Variants in AREG observed in about 807,000 individuals in gnomAD.
AREG encodes amphiregulin B.
A neutral mutation model predicts 28.0 loss-of-function variants in AREG; 16 were observed. The ratio of observed to expected loss-of-function variants is 0.57; its 90% CI spans 0.39 to 0.87. AREG has a LOEUF of 0.87. Among genes scored for constraint, AREG ranks in the 40% least tolerant of loss-of-function variants. AREG has a pLI of 0.00. For synonymous variants in AREG, 113 were observed against 113.5 expected (o/e 1.00, Z 0.02); for missense variants, 287 against 309.1 (o/e 0.93, Z 0.53).
At chr4:74,452,793 C>T (rs1045474983) in intron 5 of AREG, 138 bp downstream of exon 5, 12 of 762,906 alleles carry the variant, frequency 1.6e-5, no homozygotes, top group Admixed American at 5.8e-5. Flanking sequence ...AAGTATTATT[C>T]TTTGAGTATA....
rs1719398438 is a variant in AREG at position 74,452,668 on chromosome 4, A to C, written c.*18+13A>C. The C allele has an allele frequency of 7.5e-6, 12 of 1,607,826 alleles. No homozygotes were observed. Among genetic ancestry groups the C allele is most frequent in the African/African-American group, 1.3e-5 (1 of 74,652 alleles). ...GATAAAATTACAGGTTTGAGTTTTA[A>C]AATATATCTTTAGATCATATCCTAT... On this transcript the variant is annotated intron_variant, in intron 5 of 5. Transcript: ENST00000395748.
At chr4:74,454,297 A>T (rs1016525781) in intron 5 of AREG, among the ~76,000 whole-genome samples, 5 of 152,206 alleles carry the variant, frequency 3.3e-5, no homozygotes, top group Non-Finnish European at 7.3e-5. Context: ...AGGAAAAAGA[A>T]TATGCTGTGC....
intron 2 of AREG, 184 bp from the exon 3 acceptor site, chr4:74,448,863 G>T: frequency 1.1e-6 from 1 of 874,260 alleles, no homozygotes; most frequent in Non-Finnish European, 1.7e-6. Flanking sequence ...CTTTCAGGTA[G>T]AAAAAACTGA....
chr4:74,453,294 G>GT (rs1295348477), intron 5 of AREG, among the ~76,000 whole-genome samples: 4 of 152,180 alleles, frequency 2.6e-5, no homozygotes, highest in African/African-American at 4.8e-5. Flanking sequence ...CAGACAATAG[G>GT]TTGAATGCTC....
rs763145339 is a variant in AREG, at chr4:74,446,752, C to G, written c.280C>G (p.Pro94Ala). 7.4e-6 allele frequency: 12 copies of G among 1,613,898 alleles called. No individual in the cohort carries two copies. In the East Asian group the frequency reaches 2.5e-4, roughly 33 times the overall value. Reference protein sequence around the residue: ...SEEYDNEPQIPGYIVDDSVRV... With the variant: ...SEEYDNEPQIAGYIVDDSVRV... ...AGAGTATGATAACGAACCACAAATA[C>G]CTGGCTATATTGTCGATGATTCAGT... Residue 94 changes from proline (P) to alanine (A), a missense_variant, in exon 2 of 6, where the codon CCT (proline) becomes GCT (alanine). Pro to Ala is a conservative substitution (Grantham distance 27, BLOSUM62 -1). Coordinates refer to ENST00000395748, the MANE Select transcript of AREG (RefSeq NM_001657.4).
intron 3 of AREG, 72 bp downstream of exon 3, chr4:74,449,320 C>T: frequency 1.2e-6 from 2 of 1,603,144 alleles, no homozygotes; most frequent in Non-Finnish European, 1.7e-6. Context: ...TGCAGGAAAC[C>T]ATTTATTTTT....
intron 2 of AREG, among the ~76,000 whole-genome samples, chr4:74,448,154 A>G (rs1457391226): frequency 2.6e-5 from 4 of 152,240 alleles, no homozygotes; most frequent in African/African-American, 4.8e-5. Flanking sequence ...TTTGTAATCT[A>G]TCTGACAAAG....
chr4:74,445,726 C>T (rs1187200764), intron 1 of AREG, among the ~76,000 whole-genome samples: 1 of 152,092 alleles, frequency 6.6e-6, no homozygotes, highest in Non-Finnish European at 1.5e-5. Context: ...AAGTGATTTC[C>T]GCAGATATTG....
In AREG at chr4:74,446,781, A is replaced by C. The variant is rs1197219953; in HGVS notation, c.309A>C (p.Arg103Ser). The C allele has an allele frequency of 6.2e-7, 1 of 1,613,854 alleles. No individual in the cohort carries two copies. Among genetic ancestry groups the C allele is most frequent in the Non-Finnish European group, 8.5e-7 (1 of 1,179,866 alleles). The change falls in exon 2 of 6, where the codon AGA becomes AGC. Residue 103 changes from arginine (R) to serine (S), a missense_variant and splice_region_variant. Transcript: ENST00000395748. ...IPGYIVDDSV[R>S]VEQVVKPPQN... ...GCTATATTGTCGATGATTCAGTCAG[A>C]GGTGAGTAGGGGATAAAGCAAAAAT...
intron 4 of AREG, among the ~76,000 whole-genome samples, chr4:74,451,808 T>C (rs1381563207): frequency 1.3e-5 from 2 of 152,184 alleles, no homozygotes; most frequent in Non-Finnish European, 2.9e-5. Flanking sequence ...ATTTTGTTAA[T>C]GTTAGCACTC....
At chr4:74,450,917 A>G (rs1719369690) in intron 4 of AREG, among the ~76,000 whole-genome samples, 1 of 152,210 alleles carries the variant, frequency 6.6e-6, no homozygotes, top group Non-Finnish European at 1.5e-5. Flanking sequence ...GGAGGTTCGT[A>G]GTATCAGACA....
At position 74,449,088 on chromosome 4, in the gene AREG, G is replaced by A. The variant is rs1439656918; in HGVS notation, c.352G>A (p.Glu118Lys). Reference sequence around the variant, plus strand: ...GCCCCCCCAAAACAAGACGGAAAGTGAAAATACTTCAGATAAACCCAAAAG... The same window carrying A: ...GCCCCCCCAAAACAAGACGGAAAGTAAAAATACTTCAGATAAACCCAAAAG... Reference protein sequence around the residue: ...VKPPQNKTESENTSDKPKRKK... With the variant: ...VKPPQNKTESKNTSDKPKRKK... Residue 118 changes from glutamate to lysine, a missense_variant, in exon 3 of 6, where the codon GAA (glutamate) becomes AAA (lysine). Transcript: ENST00000395748. The A allele has an allele frequency of 2.5e-6, 4 of 1,610,894 alleles. No homozygotes were observed. The African/African-American group carries it at 5.4e-5, about 22-fold the overall frequency.
chr4:74,445,980 A>G (rs1719278771), intron 1 of AREG, among the ~76,000 whole-genome samples: 1 of 152,222 alleles, frequency 6.6e-6, no homozygotes, highest in Non-Finnish European at 1.5e-5. Flanking sequence ...AAAAATGACA[A>G]TAATAATCGA....
Position 74,448,778 on chromosome 4 carries a change from A to G in AREG, c.311-269A>G, listed in dbSNP as rs1719332257. On this transcript the variant is annotated intron_variant, in intron 2 of 5. Transcript: ENST00000395748. ...GAGCATTGTAACATAGAGTAACTCT[A>G]ATTTATAATTCTCAGTTTTTTCCAC... 7.5e-6 allele frequency: 3 copies of G among 399,908 alleles called. No homozygotes were observed. The East Asian group carries it at 1.2e-4, about 15-fold the overall frequency. 24.8% of individuals were successfully genotyped at this position (399,908 alleles called of 1,614,324 possible). A position where few individuals can be genotyped will look rare whatever the true frequency, so the allele number is the denominator to read the frequency against.
Position 74,450,473 on chromosome 4 carries a change from A to G in AREG, c.606A>G (p.Ala202=). The G allele has an allele frequency of 2.5e-6, 4 of 1,614,016 alleles. No individual in the cohort carries two copies. Among genetic ancestry groups the G allele is most frequent in the Non-Finnish European group, 2.5e-6 (3 of 1,179,858 alleles). Residue 202 remains alanine (A), a synonymous_variant, in exon 4 of 6, where the codon GCA becomes GCG. Coordinates refer to ENST00000395748, the MANE Select transcript of AREG (RefSeq NM_001657.4). ...IDSSLSKIAL[A]AIAAFMSAVI... is the part of the protein sequence containing the mutation. ...GTAGTTTATCAAAAATTGCATTAGC[A>G]GCCATAGCTGCCTTTATGTCTGCTG...
intron 1 of AREG, 99 bp from the exon 2 acceptor site, chr4:74,446,435 G>A: frequency 6.2e-7 from 1 of 1,601,754 alleles, no homozygotes; most frequent in Non-Finnish European, 8.5e-7. Context: ...TGCAATAACT[G>A]CTTTGATGTC....
chr4:74,446,474 C>T, intron 1 of AREG, 60 bp from the exon 2 acceptor site: 1 of 1,613,850 alleles, frequency 6.2e-7, no homozygotes, highest in Non-Finnish European at 8.5e-7. Flanking sequence ...CCTAACACAG[C>T]TGACTCGAAA....
intron 2 of AREG, 102 bp downstream of exon 2, chr4:74,446,884 T>C: frequency 1.9e-6 from 3 of 1,571,490 alleles, no homozygotes; most frequent in Non-Finnish European, 2.6e-6. Flanking sequence ...CTAGTGGCTT[T>C]ATTGTATATC....
At chr4:74,446,890 A>G (rs1292381659) in intron 2 of AREG, 108 bp downstream of exon 2, 4 of 1,605,650 alleles carry the variant, frequency 2.5e-6, no homozygotes, top group South Asian at 2.2e-5. Flanking sequence ...GCTTTATTGT[A>G]TATCTGTTGG....
Sources: gnomAD v4.1 joint callset for allele counts (sites outside exome capture counted in the v4.1 genomes callset) on GRCh38, gnomAD v4.1.1 for gene constraint, MANE v1.5 for transcripts, NCBI Gene and HGNC (gene_info 2026-07-23, HGNC 2026-07-21) for gene names.